Variants in RYR2 observed in about 807,000 individuals in gnomAD.
RYR2 encodes cardiac muscle ryanodine receptor-calcium release channel.
A neutral mutation model predicts 601.1 loss-of-function variants in RYR2; 227 were observed. The ratio of observed to expected loss-of-function variants is 0.38; its 90% CI spans 0.34 to 0.42. RYR2 has a LOEUF of 0.42. Among genes scored for constraint, RYR2 ranks in the 10% least tolerant of loss-of-function variants. The pLI is 1.00. For missense variants in RYR2, 4,646 were observed against 6,156.5 expected (o/e 0.75, Z 8.21); for synonymous variants, 2,223 against 2,175.1 (o/e 1.02, Z -0.61).
At chr1:237,055,236 G>T (rs1015181039) in intron 1 of RYR2, among the ~76,000 whole-genome samples, 1 of 152,166 alleles carries the variant, frequency 6.6e-6, no homozygotes. Flanking sequence ...ATCCTGGGGG[G>T]ACTGGGGAGC....
intron 12 of RYR2, among the ~76,000 whole-genome samples, chr1:237,426,176 T>C (rs1706132249): frequency 6.6e-6 from 1 of 152,166 alleles, no homozygotes; most frequent in Middle Eastern, 3.2e-3. Context: ...CTCTTTCAAC[T>C]CCTGTTCTGG....
At chr1:237,108,273 C>T (rs988321741) in intron 1 of RYR2, among the ~76,000 whole-genome samples, 66 of 152,242 alleles carry the variant, frequency 4.3e-4, no homozygotes, top group African/African-American at 1.5e-3. Context: ...TTGGAGGGAT[C>T]GGAGGGGCCC....
chr1:237,120,793 A>G (rs1261726084), intron 1 of RYR2: 1 of 152,314 alleles, frequency 6.6e-6, no homozygotes, highest in East Asian at 1.9e-4. Context: ...GCTTTTCAAA[A>G]TGGAGCTCTG....
chr1:237,229,568 G>C (rs919721364), intron 1 of RYR2, among the ~76,000 whole-genome samples: 1 of 152,080 alleles, frequency 6.6e-6, no homozygotes, highest in African/African-American at 2.4e-5. Context: ...CCCTATAATG[G>C]GGAAAGCTGG....
At chr1:237,483,825 G>T (rs1287088334) in intron 17 of RYR2, among the ~76,000 whole-genome samples, 2 of 152,248 alleles carry the variant, frequency 1.3e-5, no homozygotes, top group East Asian at 3.9e-4. Flanking sequence ...GTGAAATCTG[G>T]AGATATTAAT....
At chr1:237,552,704 A>G (rs1467229191) in intron 27 of RYR2, among the ~76,000 whole-genome samples, 1 of 151,984 alleles carries the variant, frequency 6.6e-6, no homozygotes, top group Non-Finnish European at 1.5e-5. Context: ...TGTTTTATGT[A>G]TATCACAAAA....
chr1:237,272,327 A>G (rs963350085), intron 2 of RYR2, among the ~76,000 whole-genome samples: 2 of 151,934 alleles, frequency 1.3e-5, no homozygotes, highest in Admixed American at 1.3e-4. Flanking sequence ...CGAACCAAAA[A>G]AAAAATAGAG....
intron 10 of RYR2, among the ~76,000 whole-genome samples, chr1:237,404,013 G>C (rs1163614462): frequency 6.6e-6 from 1 of 152,182 alleles, no homozygotes; most frequent in Non-Finnish European, 1.5e-5. Flanking sequence ...CAGCAGTTTG[G>C]GAGACTCAGG....
chr1:237,108,976 A>C (rs538198122), intron 1 of RYR2, among the ~76,000 whole-genome samples: 261 of 152,286 alleles, frequency 1.7e-3, no homozygotes, highest in African/African-American at 5.9e-3. Flanking sequence ...TCTTTACATG[A>C]ACATGAGCAA....
intron 18 of RYR2, 124 bp from the exon 19 acceptor site, chr1:237,492,830 A>G (rs1253747235): frequency 1.5e-6 from 1 of 686,864 alleles, no homozygotes; most frequent in Non-Finnish European, 2.2e-6. Context: ...TCTGAAAGGA[A>G]GGAAGGAAGG....
intron 73 of RYR2, among the ~76,000 whole-genome samples, chr1:237,720,477 A>G (rs183757720): frequency 6.6e-6 from 1 of 152,240 alleles, no homozygotes; most frequent in East Asian, 1.9e-4. Context: ...TTAGAGTGAG[A>G]TTAATTACTA....
intron 1 of RYR2, among the ~76,000 whole-genome samples, chr1:237,192,376 AT>A (rs956041981): frequency 2.7e-5 from 4 of 148,036 alleles, no homozygotes; most frequent in East Asian, 2.0e-4. Flanking sequence ...CGCCCGGCTA[AT>A]TTTTTTTTTG....
chr1:237,449,157 T>A (rs141383298), intron 14 of RYR2, among the ~76,000 whole-genome samples: 46 of 152,280 alleles, frequency 3.0e-4, no homozygotes, highest in African/African-American at 1.1e-3. Context: ...ATTGTCCCAT[T>A]TCCTCCTTTT....
intron 5 of RYR2, among the ~76,000 whole-genome samples, chr1:237,368,396 C>T (rs899200100): frequency 2.8e-4 from 42 of 151,854 alleles, no homozygotes; most frequent in Non-Finnish European, 4.6e-4. Context: ...TGTTGTATTC[C>T]GAGATGGGGC....
intron 35 of RYR2, among the ~76,000 whole-genome samples, chr1:237,606,856 A>G (rs1677186152): frequency 6.6e-6 from 1 of 152,196 alleles, no homozygotes; most frequent in South Asian, 2.1e-4. Flanking sequence ...AGAGAAATGC[A>G]ATCAAAACCA....
At position 237,500,457 on chromosome 1, in the gene RYR2, G is replaced by A. The variant is rs2618698; in HGVS notation, c.2204-254G>A. ...ATAATTTCTGGATCAGTTGCCATCCGTCTACATGCAGAAGTTTCTGTGTAT... is the reference window on the plus strand; with the variant it reads ...ATAATTTCTGGATCAGTTGCCATCCATCTACATGCAGAAGTTTCTGTGTAT... On this transcript the variant is annotated intron_variant, in intron 20 of 104. Coordinates refer to ENST00000366574, the MANE Select transcript of RYR2 (RefSeq NM_001035.3). Among the ~76,000 whole-genome samples, 90,751 of 152,024 alleles carry A rather than the reference G, an allele frequency of 0.6. 27,691 individuals carry two copies. Among genetic ancestry groups the A allele is most frequent in the Non-Finnish European group, 0.66 (45,078 of 67,964 alleles).
At chr1:237,381,098 A>G (rs1572062065) in intron 8 of RYR2, among the ~76,000 whole-genome samples, 1 of 151,838 alleles carries the variant, frequency 6.6e-6, no homozygotes. Context: ...AAAAGAAATG[A>G]TCTGGGCTTG....
chr1:237,106,834 A>G lies in RYR2; in HGVS notation c.48+64265A>G, dbSNP rs535699465. 6.6e-6 allele frequency among the ~76,000 whole-genome samples: 1 copy of G among 152,210 alleles called. No individual in the cohort carries two copies. Among genetic ancestry groups the G allele is most frequent in the African/African-American group, 2.4e-5 (1 of 41,456 alleles). On this transcript the variant is annotated intron_variant, in intron 1 of 104. Coordinates refer to ENST00000366574, the MANE Select transcript of RYR2 (RefSeq NM_001035.3). This position sits in a 1 kb window ranked among gnomAD's most constrained non-coding sequence, Gnocchi z 4.4. ...CTGGTGAAGGCTCGCTTCCTGGTTC[A>G]TAGGCGGCTGTCTTCTTGCTGTGTT...
At chr1:237,137,016 C>CAAAAAA (rs1167110660) in intron 1 of RYR2, among the ~76,000 whole-genome samples, 4 of 41,154 alleles carry the variant, frequency 9.7e-5, no homozygotes, top group South Asian at 9.9e-4. Flanking sequence ...GACTCCATCT[C>CAAAAAA]AAAAAAAAAA....
Sources: allele counts gnomAD v4.1 joint callset (sites outside exome capture counted in the v4.1 genomes callset), GRCh38; gene constraint gnomAD v4.1.1; non-coding constraint Gnocchi (gnomAD v3.1); transcripts MANE v1.5; gene names NCBI Gene and HGNC (gene_info 2026-07-23, HGNC 2026-07-21).